Variants in TMEM63A observed in about 807,000 individuals in gnomAD.
The protein encoded by TMEM63A is transmembrane protein 63A, also known as mechanosensitive cation channel TMEM63A.
TMEM63A carries 76 observed loss-of-function variants against 100.6 expected under a neutral mutation model. The ratio of observed to expected loss-of-function variants is 0.76; its 90% CI spans 0.63 to 0.91. The LOEUF is 0.91. TMEM63A is among the 40% of genes least tolerant of loss of function. TMEM63A has a pLI of 0.00. For missense variants in TMEM63A, 876 were observed against 1,008.8 expected (o/e 0.87, Z 1.78); for synonymous variants, 401 against 401.1 (o/e 1.00, Z 0.00).
At position 225,862,672 on chromosome 1, in the gene TMEM63A, G is replaced by T. The variant is rs962109428; in HGVS notation, c.828-94C>A. 6.2e-6 allele frequency: 10 copies of T among 1,603,334 alleles called. No homozygotes were observed. In the Admixed American group the frequency reaches 6.8e-5, roughly 11 times the overall value. On this transcript the variant is annotated intron_variant, in intron 11 of 24. Coordinates refer to ENST00000366835, the MANE Select transcript of TMEM63A (RefSeq NM_014698.3). The surrounding 1 kb of genome is among the most constrained non-coding windows in gnomAD (Gnocchi z 5.1). ...AGTTCAACCATCGAACGCCAGGGGA[G>T]AAGGAGGGGTCCAGGGCCTCCCGCC...
intron 16 of TMEM63A, 57 bp from the exon 17 acceptor site, chr1:225,856,795 G>C: frequency 6.3e-7 from 1 of 1,591,572 alleles, no homozygotes; most frequent in African/African-American, 1.3e-5. Flanking sequence ...TGTGCCCCCA[G>C]TGAGGCCCCT....
intron 3 of TMEM63A, among the ~76,000 whole-genome samples, chr1:225,875,918 A>T (rs999105667): frequency 3.7e-4 from 56 of 151,618 alleles, no homozygotes; most frequent in Admixed American, 1.3e-4. Flanking sequence ...ATACAAAAAT[A>T]ACCCAGACAC....
At chr1:225,851,510 C>T (rs572135775) in intron 20 of TMEM63A, among the ~76,000 whole-genome samples, 176 of 152,240 alleles carry the variant, frequency 1.2e-3, no homozygotes, top group African/African-American at 4.0e-3. Flanking sequence ...GCTGGGATTA[C>T]AGGCGCCTGC....
At position 225,862,957 on chromosome 1, in the gene TMEM63A, G is replaced by A. The variant is rs1670020845; in HGVS notation, c.747-106C>T. 7.5e-6 allele frequency: 8 copies of A among 1,072,306 alleles called. No homozygotes were observed. The highest frequency in any genetic ancestry group is 9.8e-6 in the Non-Finnish European group (7 of 711,972). 66.4% of individuals were successfully genotyped at this position (1,072,306 alleles called of 1,614,324 possible). A position where few individuals can be genotyped will look rare whatever the true frequency, so the allele number is the denominator to read the frequency against. On this transcript the variant is annotated intron_variant, in intron 10 of 24. Transcript: ENST00000366835. This position sits in a 1 kb window ranked among gnomAD's most constrained non-coding sequence, Gnocchi z 5.1. ...AGGGAAAGGATGGCAGAGTGATCTC[G>A]CTGCTGGTTTCTGTGCCAGCGGAGA...
intron 3 of TMEM63A, among the ~76,000 whole-genome samples, chr1:225,874,793 T>G (rs1559051400): frequency 6.6e-6 from 1 of 152,090 alleles, no homozygotes; most frequent in Non-Finnish European, 1.5e-5. Context: ...TTACAGAAAA[T>G]TTTTTTCTTT....
At chr1:225,852,525 G>A (rs1461050324) in intron 20 of TMEM63A, 139 bp downstream of exon 20, 4 of 735,038 alleles carry the variant, frequency 5.4e-6, no homozygotes, top group Non-Finnish European at 2.3e-6. Context: ...TGTCACGTGA[G>A]TCTTTAGCAG....
chr1:225,874,395 AG>A, intron 3 of TMEM63A, 28 bp from the exon 4 acceptor site: 1 of 1,598,908 alleles, frequency 6.3e-7, no homozygotes, highest in Non-Finnish European at 8.6e-7. Context: ...ACCAAGTAAA[AG>A]CATATTGGAT....
At chr1:225,875,747 A>G (rs1373650392) in intron 3 of TMEM63A, among the ~76,000 whole-genome samples, 1 of 120,638 alleles carries the variant, frequency 8.3e-6, no homozygotes, top group Non-Finnish European at 1.7e-5. Flanking sequence ...CCCCTCCCCC[A>G]CCCCCAAAAC....
chr1:225,868,143 C>A, intron 6 of TMEM63A, 113 bp from the exon 7 acceptor site: 1 of 1,361,550 alleles, frequency 7.3e-7, no homozygotes, highest in Non-Finnish European at 1.0e-6. Flanking sequence ...GATCGCTATC[C>A]CCACATTTTT....
downstream of TMEM63A, chr1:225,844,706 T>C (rs748158183): frequency 4.4e-6 from 7 of 1,585,730 alleles, no homozygotes; most frequent in Non-Finnish European, 6.0e-6. Flanking sequence ...GAAGGGCACT[T>C]GGTGGTGGGA....
intron 4 of TMEM63A, 129 bp downstream of exon 4, chr1:225,874,159 C>A: frequency 1.1e-6 from 1 of 888,966 alleles, no homozygotes; most frequent in Non-Finnish European, 1.7e-6. Flanking sequence ...GCCCCTAGCC[C>A]ATTCCAGGGA....
chr1:225,858,948 A>ATGTGTGTGTGTGTGTGTG (rs57543496), intron 15 of TMEM63A, among the ~76,000 whole-genome samples: 9 of 139,676 alleles, frequency 6.4e-5, no homozygotes, highest in African/African-American at 2.4e-4. Flanking sequence ...TATACATATA[A>ATGTGTGTGTGTGTGTGTG]TGTGTGTGTG....
At chr1:225,857,377 GGC>G (rs1559039236) in intron 15 of TMEM63A, among the ~76,000 whole-genome samples, 4 of 19,682 alleles carry the variant, frequency 2.0e-4, no homozygotes, top group African/African-American at 7.5e-4. Context: ...AGTCCTGGCC[GGC>G]GGGGCGGGGG....
intron 6 of TMEM63A, among the ~76,000 whole-genome samples, chr1:225,870,756 GAAAT>G (rs1482505005): frequency 6.6e-6 from 1 of 152,184 alleles, no homozygotes; most frequent in African/African-American, 2.4e-5. Context: ...TGAATATGTT[GAAAT>G]AAATAAAGTT....
chr1:225,850,401 G>T (rs1029056199), intron 20 of TMEM63A, among the ~76,000 whole-genome samples: 1 of 152,176 alleles, frequency 6.6e-6, no homozygotes. Context: ...TCAGTAAAGG[G>T]TTTGGCTGAA....
Position 225,867,313 on chromosome 1 carries a change from C to T in TMEM63A, c.515-150G>A. The T allele has an allele frequency of 1.2e-6, 1 of 834,136 alleles. No homozygotes were observed. The allele number at this position is 834,136 out of a possible 1,614,324, so 51.7% of individuals were successfully genotyped here. A position where few individuals can be genotyped will look rare whatever the true frequency, so the allele number is the denominator to read the frequency against. On this transcript the variant is annotated intron_variant, in intron 7 of 24. Coordinates refer to ENST00000366835, the MANE Select transcript of TMEM63A (RefSeq NM_014698.3). This position sits in a 1 kb window ranked among gnomAD's most constrained non-coding sequence, Gnocchi z 4.6. ...CGTCTGACTGGTCTTTCCAGAGCTA[C>T]ACCATCAAGGCCTCTGCTTGAAACC...
At chr1:225,856,069 A>G (rs183581546) in intron 17 of TMEM63A, 129 bp from the exon 18 acceptor site, 101 of 889,650 alleles carry the variant, frequency 1.1e-4, no homozygotes, top group Non-Finnish European at 1.2e-4. Context: ...CAACGATGCC[A>G]CTTACTACGG....
At chr1:225,849,101 T>A (rs565505276) in intron 21 of TMEM63A, 89 bp from the exon 22 acceptor site, 2 of 1,019,552 alleles carry the variant, frequency 2.0e-6, no homozygotes, top group Non-Finnish European at 2.9e-6. Flanking sequence ...GCACCTGGTG[T>A]GGAAACTGCC....
chr1:225,843,954 G>T (rs1467520294), downstream of TMEM63A, among the ~76,000 whole-genome samples: 2 of 152,180 alleles, frequency 1.3e-5, no homozygotes, highest in African/African-American at 4.8e-5. Flanking sequence ...AGTGAGGAAG[G>T]TAGGGTTGGG....
Sources: gnomAD v4.1 joint callset for allele counts (sites outside exome capture counted in the v4.1 genomes callset) on GRCh38, gnomAD v4.1.1 for gene constraint, Gnocchi (gnomAD v3.1) non-coding constraint, MANE v1.5 for transcripts, NCBI Gene and HGNC (gene_info 2026-07-23, HGNC 2026-07-21) for gene names.